CAV1: variants seen among roughly 807,000 people sequenced by gnomAD.
The protein encoded by CAV1 is caveolin 1, also known as caveolin-1.
In CAV1, 10 loss-of-function variants were observed where a neutral mutation model predicts 16.5. That is an observed-to-expected ratio of 0.61 (90% CI 0.37 to 1.03). CAV1 has a LOEUF of 1.03. Among genes scored for constraint, CAV1 ranks in the 50% least tolerant of loss-of-function variants. The pLI, the probability that CAV1 is intolerant of heterozygous loss-of-function variation, is 0.01. For synonymous variants in CAV1, 76 were observed against 85.1 expected, an observed-to-expected ratio of 0.89 and a Z score of 0.59; for missense variants, 212 against 232.8, an observed-to-expected ratio of 0.91 and a Z score of 0.58.
intron 1 of CAV1, 47 bp downstream of exon 1, chr7:116,525,139 C>A (rs752715096): frequency 1.2e-5 from 20 of 1,614,036 alleles, no homozygotes; most frequent in Middle Eastern, 1.6e-4. Context: ...GGGGAGTGTC[C>A]GCTTCTGCTA....
chr7:116,525,059 C>T lies in CAV1; in HGVS notation c.-4C>T. 5 of 1,614,238 alleles carry T rather than the reference C, an allele frequency of 3.1e-6. No individual in the cohort carries two copies. The highest frequency in any genetic ancestry group is 4.2e-6 in the Non-Finnish European group (5 of 1,180,034). On this transcript the variant is annotated 5_prime_UTR_variant, in exon 1 of 3. Coordinates refer to ENST00000341049, the MANE Select transcript of CAV1 (RefSeq NM_001753.5). ...TCACAGTTTTCATCCAGCCACGGGC[C>T]AGCATGTCTGGGGGCAAATACGTAG...
At chr7:116,529,805 C>T (rs761762362) in intron 2 of CAV1, among the ~76,000 whole-genome samples, 8 of 152,154 alleles carry the variant, frequency 5.3e-5, no homozygotes, top group East Asian at 1.9e-4. Context: ...TAGACATTTA[C>T]CCAAAAATAT....
At chr7:116,539,622 T>G (rs1303205106) in intron 2 of CAV1, among the ~76,000 whole-genome samples, 1 of 152,176 alleles carries the variant, frequency 6.6e-6, no homozygotes, top group Non-Finnish European at 1.5e-5. Flanking sequence ...GAAAACTCAT[T>G]CTAATATGTG....
chr7:116,557,190 T>G (rs1233866588), intron 2 of CAV1, among the ~76,000 whole-genome samples: 1 of 152,230 alleles, frequency 6.6e-6, no homozygotes, highest in Non-Finnish European at 1.5e-5. Context: ...ATTGTGGCCA[T>G]GCCGTTTTTT....
chr7:116,553,663 T>C (rs1483406176), intron 2 of CAV1, among the ~76,000 whole-genome samples: 5 of 152,140 alleles, frequency 3.3e-5, no homozygotes, highest in Non-Finnish European at 1.5e-5. Flanking sequence ...TTTTTAATTC[T>C]TGTTCTGCTC....
chr7:116,559,165 AT>A lies in CAV1; in HGVS notation c.417del (p.Ile139MetfsTer42). 6.2e-7 allele frequency: 1 copy of A among 1,613,934 alleles called. No individual in the cohort carries two copies. The highest frequency in any genetic ancestry group is 8.5e-7 in the Non-Finnish European group (1 of 1,179,888). On this transcript the variant is annotated frameshift_variant, in exon 3 of 3. Coordinates refer to ENST00000341049, the MANE Select transcript of CAV1 (RefSeq NM_001753.5). LOFTEE classifies it high-confidence loss of function. ...AVVPCIKSFL[I>X]EIQCISRVYS... ...TGTACCATGCATTAAGAGCTTCCTG[AT>A]TGAGATTCAGTGCATCAGCCGTGTC...
rs183841768 is a variant in CAV1, at chr7:116,534,680, G to A, written c.195+7991G>A. 3.0e-3 allele frequency among the ~76,000 whole-genome samples: 450 copies of A among 151,768 alleles called. 1 individual carries two copies. The highest frequency in any genetic ancestry group is 9.8e-3 in the African/African-American group (404 of 41,424). On this transcript the variant is annotated intron_variant, in intron 2 of 2. Coordinates refer to ENST00000341049, the MANE Select transcript of CAV1 (RefSeq NM_001753.5). ...CTCTCAAAGTGCTGGGATTACAGGC[G>A]TGAGCCACTGCACCCGGCCCAGATA... is the stretch of plus-strand genomic sequence containing the variant.
chr7:116,538,562 G>A (rs1793872183), intron 2 of CAV1, among the ~76,000 whole-genome samples: 1 of 152,154 alleles, frequency 6.6e-6, no homozygotes, highest in South Asian at 2.1e-4. Flanking sequence ...CTTTTTAGTA[G>A]GAAGAGAAAT....
intron 2 of CAV1, among the ~76,000 whole-genome samples, chr7:116,534,378 TATATATATATATATA>T (rs1399628667): frequency 0.013 from 199 of 15,112 alleles, 3 homozygotes; most frequent in African/African-American, 0.033. Flanking sequence ...TATATATATA[TATATATATATATATA>T]TATTTTTTTT....
Position 116,559,290 on chromosome 7 carries a change from G to T in CAV1, c.*3G>T. 2 of 1,606,598 alleles carry T rather than the reference G, an allele frequency of 1.2e-6. No individual in the cohort carries two copies. The highest frequency in any genetic ancestry group is 2.2e-5 in the South Asian group (2 of 90,856). ...TCAACTTGCAGAAAGAAATATAAATGACATTTCAAGGATAGAAGTATACCT... is the reference window on the plus strand; with the variant it reads ...TCAACTTGCAGAAAGAAATATAAATTACATTTCAAGGATAGAAGTATACCT... On this transcript the variant is annotated 3_prime_UTR_variant, in exon 3 of 3. Transcript: ENST00000341049.
At chr7:116,558,345 A>G (rs986628430) in intron 2 of CAV1, among the ~76,000 whole-genome samples, 2 of 152,174 alleles carry the variant, frequency 1.3e-5, no homozygotes, top group African/African-American at 4.8e-5. Flanking sequence ...GGTTTTCTCT[A>G]GAGCTGTAGT....
chr7:116,555,538 G>GAGAGAGAGAGAGAA (rs1794261342), intron 2 of CAV1, among the ~76,000 whole-genome samples: 1 of 5,742 alleles, frequency 1.7e-4, no homozygotes, highest in African/African-American at 4.0e-4. Flanking sequence ...GAGAGAGAGA[G>GAGAGAGAGAGAGAA]AGAGAGAAAG....
At chr7:116,535,846 A>G (rs1465384044) in intron 2 of CAV1, among the ~76,000 whole-genome samples, 1 of 152,200 alleles carries the variant, frequency 6.6e-6, no homozygotes, top group Non-Finnish European at 1.5e-5. Flanking sequence ...GTTTCCCTTT[A>G]ACCATCATTA....
chr7:116,559,225 C>T lies in CAV1; in HGVS notation c.475C>T (p.Leu159Phe). 4 of 1,613,972 alleles carry T rather than the reference C, an allele frequency of 2.5e-6. No homozygotes were observed. Among genetic ancestry groups the T allele is most frequent in the Non-Finnish European group, 3.4e-6 (4 of 1,179,894 alleles). Reference protein sequence around the residue: ...SIYVHTVCDPLFEAVGKIFSN... With the variant: ...SIYVHTVCDPFFEAVGKIFSN... ...CTACGTCCACACCGTCTGTGACCCACTCTTTGAAGCTGTTGGGAAAATATT... is the reference window on the plus strand; with the variant it reads ...CTACGTCCACACCGTCTGTGACCCATTCTTTGAAGCTGTTGGGAAAATATT... The change falls in exon 3 of 3, where the codon CTC becomes TTC. Residue 159 changes from leucine (L) to phenylalanine (F), a missense_variant. By Grantham distance (22) the Leu-to-Phe change is conservative. Transcript: ENST00000341049.
intron 2 of CAV1, among the ~76,000 whole-genome samples, chr7:116,544,809 T>G (rs1377121492): frequency 1.3e-5 from 2 of 152,160 alleles, no homozygotes; most frequent in Non-Finnish European, 2.9e-5. Flanking sequence ...AAGTGCACCA[T>G]AGAAGGAAAT....
At chr7:116,550,899 A>C (rs752942968) in intron 2 of CAV1, among the ~76,000 whole-genome samples, 1 of 152,196 alleles carries the variant, frequency 6.6e-6, no homozygotes, top group Non-Finnish European at 1.5e-5. Flanking sequence ...TTATGGGCTT[A>C]AATTAGCAAA....
In CAV1 at chr7:116,525,086, C is replaced by G; in HGVS notation, c.24C>G (p.Asp8Glu). 1 of 1,614,164 alleles carries G rather than the reference C, an allele frequency of 6.2e-7. No homozygotes were observed. The highest frequency in any genetic ancestry group is 8.5e-7 in the Non-Finnish European group (1 of 1,180,032). The change falls in exon 1 of 3, where the codon GAC becomes GAG. Residue 8 changes from aspartate to glutamate, a missense_variant. Physicochemically the swap from Asp to Glu is conservative, Grantham distance 45. Coordinates refer to ENST00000341049, the MANE Select transcript of CAV1 (RefSeq NM_001753.5). ...GCATGTCTGGGGGCAAATACGTAGACTCGGAGGTAGGCATCCGTGGGGGGG... is the reference window on the plus strand; with the variant it reads ...GCATGTCTGGGGGCAAATACGTAGAGTCGGAGGTAGGCATCCGTGGGGGGG... MSGGKYV[D>E]SEGHLYTVPI...
intron 2 of CAV1, among the ~76,000 whole-genome samples, chr7:116,544,628 GT>G (rs1794004441): frequency 6.6e-6 from 1 of 152,212 alleles, no homozygotes; most frequent in African/African-American, 2.4e-5. Context: ...CAAGTGCAGA[GT>G]GCTGAAGGAG....
chr7:116,541,060 G>A (rs979394027), intron 2 of CAV1, among the ~76,000 whole-genome samples: 1 of 152,146 alleles, frequency 6.6e-6, no homozygotes, highest in African/African-American at 2.4e-5. Context: ...AGAAAATTAA[G>A]CATCTAAATA....
Sources: allele counts gnomAD v4.1 joint callset (sites outside exome capture counted in the v4.1 genomes callset), GRCh38; gene constraint gnomAD v4.1.1; transcripts MANE v1.5; gene names NCBI Gene and HGNC (gene_info 2026-07-23, HGNC 2026-07-21).